The following KIAA0319L variants were observed in gnomAD, a reference collection of about 807,000 sequenced individuals.
The protein encoded by KIAA0319L is dyslexia-associated protein KIAA0319-like protein.
A neutral mutation model predicts 120.1 loss-of-function variants in KIAA0319L; 55 were observed. The ratio of observed to expected loss-of-function variants is 0.46; its 90% CI spans 0.37 to 0.57. KIAA0319L has a LOEUF of 0.57. KIAA0319L is among the 20% of genes least tolerant of loss of function. KIAA0319L has a pLI of 0.00. For synonymous variants in KIAA0319L, 398 were observed against 471.9 expected, an observed-to-expected ratio of 0.84 and a Z score of 2.03; for missense variants, 1,049 against 1,255.3, an observed-to-expected ratio of 0.84 and a Z score of 2.48.
chr1:35,474,659 T>C (rs908551312), intron 5 of KIAA0319L, 146 bp downstream of exon 5: 11 of 547,840 alleles, frequency 2.0e-5, no homozygotes, highest in African/African-American at 2.0e-4. Context: ...GGAGTGGTAG[T>C]GTATGCCAGT....
intron 16 of KIAA0319L, among the ~76,000 whole-genome samples, chr1:35,446,646 C>A (rs546742515): frequency 6.6e-6 from 1 of 152,208 alleles, no homozygotes; most frequent in Non-Finnish European, 1.5e-5. Context: ...CCAGATCACC[C>A]CTTAACTTCC....
At chr1:35,511,766 C>T (rs938949668) in intron 2 of KIAA0319L, among the ~76,000 whole-genome samples, 3 of 151,924 alleles carry the variant, frequency 2.0e-5, no homozygotes, top group African/African-American at 7.3e-5. Flanking sequence ...AGCTGAAGAA[C>T]CTAAATGTCT....
chr1:35,467,547 A>G (rs1319360373), intron 6 of KIAA0319L, among the ~76,000 whole-genome samples: 1 of 152,220 alleles, frequency 6.6e-6, no homozygotes, highest in Non-Finnish European at 1.5e-5. Flanking sequence ...TTGGATACGA[A>G]TAAGGTAAGA....
chr1:35,485,583 C>CT (rs1475110072), intron 3 of KIAA0319L, among the ~76,000 whole-genome samples: 2 of 152,174 alleles, frequency 1.3e-5, no homozygotes, highest in Non-Finnish European at 2.9e-5. Context: ...TATCGTAGCC[C>CT]TTCTATGGCT....
chr1:35,525,016 T>A (rs928118603), intron 2 of KIAA0319L, among the ~76,000 whole-genome samples: 6 of 152,176 alleles, frequency 3.9e-5, no homozygotes, highest in Admixed American at 2.0e-4. Context: ...AACTACATCC[T>A]TCCCAGCTTC....
chr1:35,447,939 G>C lies in KIAA0319L; in HGVS notation c.2513+234C>G, dbSNP rs184782766. On this transcript the variant is annotated intron_variant, in intron 16 of 20. Coordinates refer to ENST00000325722, the MANE Select transcript of KIAA0319L (RefSeq NM_024874.5). ...CCATATTTACTTATCTCCTCTACTA[G>C]ACTGTGGTTGTCAAAATAGTTGACC... is the stretch of plus-strand genomic sequence containing the variant. Among the ~76,000 whole-genome samples, 188 of 152,160 alleles carry C rather than the reference G, an allele frequency of 1.2e-3. 2 individuals are homozygous for C. The East Asian group carries it at 0.017, about 14-fold the overall frequency.
intron 8 of KIAA0319L, among the ~76,000 whole-genome samples, chr1:35,461,652 G>A (rs557301550): frequency 5.5e-4 from 84 of 152,232 alleles, no homozygotes; most frequent in African/African-American, 1.9e-3. Context: ...AGGAAAACCG[G>A]ACACTTAGGA....
At chr1:35,440,890 G>A (rs755784142) in intron 20 of KIAA0319L, 157 bp downstream of exon 20, 116 of 715,734 alleles carry the variant, frequency 1.6e-4, no homozygotes, top group Non-Finnish European at 2.7e-4. Flanking sequence ...GTGCAGCTCA[G>A]GGCAAATCTG....
intron 2 of KIAA0319L, chr1:35,533,384 T>G (rs1257032506): frequency 6.6e-6 from 1 of 151,696 alleles, no homozygotes; most frequent in Non-Finnish European, 1.5e-5. Flanking sequence ...CTACCAGTAT[T>G]ATTTCAAAAA....
intron 2 of KIAA0319L, among the ~76,000 whole-genome samples, chr1:35,548,241 CAG>C (rs1647058078): frequency 6.6e-6 from 1 of 152,004 alleles, no homozygotes; most frequent in Admixed American, 6.6e-5. Context: ...TCCTTGAAGA[CAG>C]AGTCTCATCA....
intron 2 of KIAA0319L, among the ~76,000 whole-genome samples, chr1:35,522,735 G>A (rs1277580930): frequency 6.6e-6 from 1 of 151,832 alleles, no homozygotes; most frequent in Non-Finnish European, 1.5e-5. Context: ...GATCTTGTAT[G>A]GGCCGGGCGC....
intron 2 of KIAA0319L, among the ~76,000 whole-genome samples, chr1:35,540,597 A>T (rs900908645): frequency 6.6e-5 from 10 of 152,246 alleles, no homozygotes; most frequent in African/African-American, 2.4e-4. Context: ...GGTGAGAGAG[A>T]CAGAGCACTG....
At chr1:35,515,586 C>G (rs1335053966) in intron 2 of KIAA0319L, among the ~76,000 whole-genome samples, 1 of 152,098 alleles carries the variant, frequency 6.6e-6, no homozygotes, top group Admixed American at 6.6e-5. Context: ...ATTCATAGCA[C>G]TAAATACCCA....
intron 9 of KIAA0319L, among the ~76,000 whole-genome samples, chr1:35,456,915 TGAAG>T (rs71062877): frequency 0.13 from 13,746 of 109,892 alleles, 719 homozygotes; most frequent in Middle Eastern, 0.24. Context: ...AAGGAAGGAA[TGAAG>T]GAAGGAAGGA....
At chr1:35,448,467 G>C (rs1641805534) in intron 15 of KIAA0319L, 135 bp from the exon 16 acceptor site, 1 of 874,316 alleles carries the variant, frequency 1.1e-6, no homozygotes, top group Admixed American at 2.5e-5. Context: ...AGGGACAATA[G>C]TGAATTCCTG....
chr1:35,507,195 A>G (rs1246060671), intron 2 of KIAA0319L, 60 bp from the exon 3 acceptor site: 2 of 1,473,424 alleles, frequency 1.4e-6, no homozygotes, highest in East Asian at 2.3e-5. Context: ...ACTGCTCCAT[A>G]AAGAGCCCTG....
At chr1:35,467,849 C>T (rs1422409456) in intron 6 of KIAA0319L, among the ~76,000 whole-genome samples, 1 of 152,062 alleles carries the variant, frequency 6.6e-6, no homozygotes, top group Non-Finnish European at 1.5e-5. Context: ...CCACCATTCC[C>T]AGCTAATTTT....
chr1:35,499,407 G>A (rs1443334077), intron 3 of KIAA0319L, among the ~76,000 whole-genome samples: 1 of 152,186 alleles, frequency 6.6e-6, no homozygotes, highest in Admixed American at 6.5e-5. Context: ...TCCACCGTGT[G>A]AGAACATAGC....
intron 2 of KIAA0319L, among the ~76,000 whole-genome samples, chr1:35,544,266 G>A (rs1372889459): frequency 1.3e-5 from 2 of 151,842 alleles, no homozygotes; most frequent in Admixed American, 6.6e-5. Context: ...CTACTCGGGA[G>A]GCTGAGGCAG....
Sources: gnomAD v4.1 joint callset for allele counts (sites outside exome capture counted in the v4.1 genomes callset) on GRCh38, gnomAD v4.1.1 for gene constraint, MANE v1.5 for transcripts, NCBI Gene and HGNC (gene_info 2026-07-23, HGNC 2026-07-21) for gene names.